Variants in CADM2 observed in about 807,000 individuals in gnomAD.
CADM2 encodes immunoglobulin superfamily member 4D.
Under a neutral mutation model 49.8 loss-of-function variants are expected in CADM2, and 12 were observed. The ratio of observed to expected loss-of-function variants is 0.24; its 90% confidence interval spans 0.15 to 0.39. The LOEUF (loss-of-function observed/expected upper bound fraction) is 0.39, where lower values mean the gene tolerates loss of function less well. Among genes scored for constraint, CADM2 ranks in the 10% least tolerant of loss-of-function variants. CADM2 has a pLI of 1.00. For synonymous variants in CADM2, 214 were observed against 175.4 expected (o/e 1.22, Z -1.74); for missense variants, 378 against 492.3 (o/e 0.77, Z 2.20).
intron 1 of CADM2, among the ~76,000 whole-genome samples, chr3:85,408,010 CAAAAAAAAAAA>C (rs372349246): frequency 1.8e-5 from 1 of 56,184 alleles, no homozygotes; most frequent in Admixed American, 2.9e-4. Context: ...AAAACAAAAC[CAAAAAAAAAAA>C]AAAAAAAAAG....
chr3:85,047,402 A>T (rs76036349), intron 1 of CADM2, among the ~76,000 whole-genome samples: 2,388 of 152,284 alleles, frequency 0.016, 30 homozygotes, highest in Middle Eastern at 0.031. Flanking sequence ...TACAATAAGG[A>T]GGTCCCCAAG....
intron 1 of CADM2, among the ~76,000 whole-genome samples, chr3:85,039,155 C>T (rs1472463778): frequency 6.6e-6 from 1 of 152,116 alleles, no homozygotes; most frequent in Admixed American, 6.6e-5. Context: ...GTACCCGCAA[C>T]CACACCCAGC....
chr3:85,935,740 C>T, intron 6 of CADM2, 27 bp from the exon 7 acceptor site: 1 of 1,344,666 alleles, frequency 7.4e-7, no homozygotes. Context: ...TGTTTAATTA[C>T]CTTTCTTAAT....
intron 3 of CADM2, among the ~76,000 whole-genome samples, chr3:85,807,734 T>C (rs2072541930): frequency 6.6e-6 from 1 of 152,148 alleles, no homozygotes; most frequent in African/African-American, 2.4e-5. Context: ...GCCCAGCACT[T>C]ACTGTTTTGG....
intron 1 of CADM2, among the ~76,000 whole-genome samples, chr3:85,375,338 A>C (rs550932223): frequency 6.6e-6 from 1 of 152,182 alleles, no homozygotes; most frequent in Non-Finnish European, 1.5e-5. Context: ...TTTTCTTCCT[A>C]TCTCTCAAGA....
At chr3:85,251,880 GA>G in intron 1 of CADM2, among the ~76,000 whole-genome samples, 1 of 152,016 alleles carries the variant, frequency 6.6e-6, no homozygotes, top group African/African-American at 2.4e-5. Flanking sequence ...TTTAAACAAA[GA>G]ATTCTCTAAA....
chr3:85,658,583 T>TAC (rs1203330065), intron 1 of CADM2, among the ~76,000 whole-genome samples: 4 of 79,840 alleles, frequency 5.0e-5, no homozygotes, highest in African/African-American at 2.3e-4. Context: ...TGTGTATATA[T>TAC]ATATATATAT....
chr3:85,258,892 CAGAT>C (rs1459011930), intron 1 of CADM2, among the ~76,000 whole-genome samples: 1 of 152,122 alleles, frequency 6.6e-6, no homozygotes, highest in East Asian at 1.9e-4. Context: ...ATATTGGAAA[CAGAT>C]AGATAAGTAG....
chr3:85,708,549 T>A (rs1353966307), intron 1 of CADM2, among the ~76,000 whole-genome samples: 4 of 152,186 alleles, frequency 2.6e-5, no homozygotes, highest in Non-Finnish European at 4.4e-5. Context: ...CCTAGGTGAA[T>A]CCCTTGTGAT....
At chr3:85,758,361 G>C (rs901949194) in intron 2 of CADM2, among the ~76,000 whole-genome samples, 1 of 152,022 alleles carries the variant, frequency 6.6e-6, no homozygotes, top group Non-Finnish European at 1.5e-5. Context: ...ATTAGTTGAT[G>C]GTAATTATAA....
At chr3:85,780,747 G>C (rs1189784555) in intron 2 of CADM2, among the ~76,000 whole-genome samples, 1 of 152,032 alleles carries the variant, frequency 6.6e-6, no homozygotes, top group Admixed American at 6.6e-5. Flanking sequence ...CTTTAGATAT[G>C]TGATTCCCTC....
chr3:85,094,384 C>T (rs980951954), intron 1 of CADM2, among the ~76,000 whole-genome samples: 30 of 152,154 alleles, frequency 2.0e-4, no homozygotes, highest in African/African-American at 7.0e-4. Flanking sequence ...TGCTGACCAA[C>T]CATTTTATAA....
intron 1 of CADM2, among the ~76,000 whole-genome samples, chr3:85,244,982 C>CTTCA (rs1331242488): frequency 1.3e-5 from 2 of 152,120 alleles, no homozygotes; most frequent in Admixed American, 6.5e-5. Context: ...ACTAAAATGA[C>CTTCA]ACCTGCAATA....
chr3:85,963,496 A>G (rs997961040), intron 8 of CADM2, among the ~76,000 whole-genome samples: 2 of 151,872 alleles, frequency 1.3e-5, no homozygotes, highest in Admixed American at 1.3e-4. Context: ...TCATGTAAGG[A>G]AAGTGTAGTC....
chr3:85,902,980 A>G (rs1214668904), intron 5 of CADM2, among the ~76,000 whole-genome samples: 2 of 152,004 alleles, frequency 1.3e-5, no homozygotes, highest in Non-Finnish European at 2.9e-5. Context: ...GATACCAAGT[A>G]CCTAAAATTT....
chr3:84,987,052 C>CG (rs1275160841), intron 1 of CADM2, among the ~76,000 whole-genome samples: 1 of 151,240 alleles, frequency 6.6e-6, no homozygotes, highest in African/African-American at 2.4e-5. Context: ...AACTCCGTCT[C>CG]AAAAACAAAA....
chr3:85,886,447 T>G (rs994489622), intron 5 of CADM2, 120 bp downstream of exon 5: 1 of 688,314 alleles, frequency 1.5e-6, no homozygotes, highest in African/African-American at 1.8e-5. Context: ...ATGCATCATT[T>G]GAACCAGATT....
At chr3:85,012,952 A>G (rs1016087713) in intron 1 of CADM2, among the ~76,000 whole-genome samples, 19 of 151,922 alleles carry the variant, frequency 1.3e-4, no homozygotes, top group Admixed American at 7.9e-4. Flanking sequence ...AGAATACCAA[A>G]TTTTGGAGAT....
chr3:85,945,309 C>T (rs1290026519), intron 7 of CADM2, among the ~76,000 whole-genome samples: 4 of 152,002 alleles, frequency 2.6e-5, no homozygotes, highest in Non-Finnish European at 5.9e-5. Flanking sequence ...AAAAAAAAGT[C>T]CCAGACCAGA....
Sources: allele counts gnomAD v4.1 joint callset (sites outside exome capture counted in the v4.1 genomes callset), GRCh38; gene constraint gnomAD v4.1.1; transcripts MANE v1.5; gene names NCBI Gene and HGNC (gene_info 2026-07-23, HGNC 2026-07-21).